DNAI4: variants seen among roughly 807,000 people sequenced by gnomAD.
DNAI4 encodes dynein axonemal intermediate chain 4.
A neutral mutation model predicts 105.8 loss-of-function variants in DNAI4; 85 were observed. That is an observed-to-expected ratio of 0.80 (90% CI 0.67 to 0.96). The LOEUF (loss-of-function observed/expected upper bound fraction) is 0.96. Ranked by LOEUF, DNAI4 falls within the 40% of genes least tolerant of loss-of-function variation. The probability of loss-of-function intolerance (pLI) is 0.00; values close to 1 mark genes in which losing one functional copy is unlikely to be tolerated. For synonymous variants in DNAI4, 352 were observed against 331.5 expected (o/e 1.06, Z -0.67); for missense variants, 1,014 against 1,005.6 (o/e 1.01, Z -0.11).
intron 1 of DNAI4, among the ~76,000 whole-genome samples, chr1:66,908,732 A>G (rs531659795): frequency 6.6e-6 from 1 of 152,326 alleles, no homozygotes; most frequent in East Asian, 1.9e-4. Context: ...CTCACTTTAA[A>G]TTATGGGTCA....
chr1:66,846,661 G>A (rs371120364), intron 8 of DNAI4, among the ~76,000 whole-genome samples: 166 of 152,244 alleles, frequency 1.1e-3, no homozygotes, highest in African/African-American at 3.8e-3. Flanking sequence ...ATTTATTCTA[G>A]GCAATGTGAA....
In DNAI4 at chr1:66,921,489, A is replaced by G. The variant is rs560151036; in HGVS notation, c.170+3173T>C. The G allele has an allele frequency of 7.9e-5, 12 of 152,354 alleles. 1 individual carries two copies. The South Asian group carries it at 1.0e-3, about 13-fold the overall frequency. 9.4% of individuals were successfully genotyped at this position (152,354 alleles called of 1,614,324 possible). A position where few individuals can be genotyped will look rare whatever the true frequency, so the allele number is the denominator to read the frequency against. On this transcript the variant is annotated intron_variant, in intron 1 of 16. Transcript: ENST00000371026. ...TGAAACTTCGTTTTAATTAGGTAAC[A>G]TGGCTACTGCAAAAAGTGAAGGTTA...
chr1:66,874,557 C>CTCTTT (rs1315006800), intron 5 of DNAI4, among the ~76,000 whole-genome samples: 7 of 152,176 alleles, frequency 4.6e-5, no homozygotes, highest in Admixed American at 1.3e-4. Flanking sequence ...AAGCTATGGG[C>CTCTTT]TCTTCCTCTA....
chr1:66,874,832 T>A lies in DNAI4; in HGVS notation c.749A>T (p.Asp250Val), dbSNP rs773639485. 12 of 1,613,660 alleles carry A rather than the reference T, an allele frequency of 7.4e-6. No individual in the cohort carries two copies. Among genetic ancestry groups the A allele is most frequent in the Non-Finnish European group, 1.0e-5 (12 of 1,179,794 alleles). ...LTETETLRFF[D>V]LPTVMVSVES... ...TACAGAGACCATGACTGTGGGCAAG[T>A]CAAAAAATCTCAGTGTTTCTGTCTC... Residue 250 changes from aspartate (D) to valine (V), a missense_variant, in exon 5 of 17, where the codon GAC becomes GTC. Asp to Val is a radical substitution (Grantham distance 152). Coordinates refer to ENST00000371026, the MANE Select transcript of DNAI4 (RefSeq NM_024763.5).
At chr1:66,837,524 T>C in intron 10 of DNAI4, 186 bp downstream of exon 10, 1 of 676,952 alleles carries the variant, frequency 1.5e-6, no homozygotes, top group Non-Finnish European at 2.4e-6. Flanking sequence ...AATGAATTAA[T>C]AAATGAATTA....
At position 66,893,353 on chromosome 1, in the gene DNAI4, T is replaced by C. The variant is rs755104976; in HGVS notation, c.406A>G (p.Thr136Ala). ...AGTTTACTTGGTTTTGCTGTACCAG[T>C]AAGTGGATCTGGATGGTAAAGAGGT... ...PRPLYHPDPLTGTAKPSKLLT... is the reference protein window; with the variant it reads ...PRPLYHPDPLAGTAKPSKLLT... The change falls in exon 3 of 17, where the codon ACT becomes GCT. Residue 136 changes from threonine (T) to alanine (A), a missense_variant. Thr to Ala is a moderately conservative substitution (Grantham distance 58). Transcript: ENST00000371026. 2 of 1,607,156 alleles carry C rather than the reference T, an allele frequency of 1.2e-6. No individual in the cohort carries two copies. The highest frequency in any genetic ancestry group is 1.7e-5 in the Admixed American group (1 of 59,078).
chr1:66,814,182 T>C lies in DNAI4; in HGVS notation c.2497-2A>G, dbSNP rs1338656422. ...AAGCAAAGTATCCATTATATCTCCC[T>C]GAAAAAAAAAAGTCACACAATTACA... On this transcript the variant is annotated splice_acceptor_variant, in intron 16 of 16. Transcript: ENST00000371026. LOFTEE classifies it high-confidence loss of function. 1 of 1,583,292 alleles carries C rather than the reference T, an allele frequency of 6.3e-7. No homozygotes were observed. The highest frequency in any genetic ancestry group is 8.5e-7 in the Non-Finnish European group (1 of 1,174,048).
At chr1:66,894,769 C>T (rs1176782066) in intron 2 of DNAI4, among the ~76,000 whole-genome samples, 1 of 152,080 alleles carries the variant, frequency 6.6e-6, no homozygotes, top group Non-Finnish European at 1.5e-5. Flanking sequence ...TATATGTGCT[C>T]AGGTCATTTG....
chr1:66,847,829 C>A, intron 7 of DNAI4, 151 bp from the exon 8 acceptor site: 2 of 628,136 alleles, frequency 3.2e-6, no homozygotes, highest in Non-Finnish European at 5.3e-6. Flanking sequence ...TCTTACGTAC[C>A]AAGCACATGA....
intron 6 of DNAI4, chr1:66,871,160 A>T: frequency 2.1e-6 from 1 of 473,080 alleles, no homozygotes; most frequent in East Asian, 3.3e-5. Flanking sequence ...AAAAACCAAG[A>T]TGAATAATTA....
chr1:66,844,052 T>C (rs1424262528), intron 8 of DNAI4, among the ~76,000 whole-genome samples: 1 of 113,114 alleles, frequency 8.8e-6, no homozygotes, highest in African/African-American at 3.5e-5. Context: ...GAACAACTCT[T>C]ATTTAAAATG....
chr1:66,827,136 A>G, intron 14 of DNAI4, 90 bp from the exon 15 acceptor site: 2 of 1,108,838 alleles, frequency 1.8e-6, no homozygotes, highest in Non-Finnish European at 2.6e-6. Flanking sequence ...TAAGATTTCT[A>G]GATTTTCACA....
intron 3 of DNAI4, among the ~76,000 whole-genome samples, 170 bp downstream of exon 3, chr1:66,893,059 G>GAAA (rs780472953): frequency 3.5e-5 from 2 of 56,498 alleles, no homozygotes; most frequent in African/African-American, 1.5e-4. Context: ...AAGAAAGAGA[G>GAAA]AGAGAGAAAG....
chr1:66,847,428 G>C, intron 8 of DNAI4, 56 bp downstream of exon 8: 2 of 1,520,058 alleles, frequency 1.3e-6, no homozygotes. Flanking sequence ...AAAGTACTGG[G>C]ATTATAAGCA....
At chr1:66,818,108 A>T (rs1284975133) in intron 16 of DNAI4, among the ~76,000 whole-genome samples, 1 of 151,980 alleles carries the variant, frequency 6.6e-6, no homozygotes, top group Non-Finnish European at 1.5e-5. Context: ...TTAATATTTT[A>T]AATATTCATT....
chr1:66,834,270 T>G (rs1557905542), intron 11 of DNAI4, 122 bp from the exon 12 acceptor site: 9 of 681,024 alleles, frequency 1.3e-5, no homozygotes, highest in Non-Finnish European at 2.0e-5. Flanking sequence ...ATCCTTTTAT[T>G]GTTCAAAAAT....
intron 7 of DNAI4, among the ~76,000 whole-genome samples, chr1:66,854,361 A>G (rs575348564): frequency 9.8e-5 from 15 of 152,306 alleles, no homozygotes; most frequent in African/African-American, 3.6e-4. Context: ...GCTGCATTCC[A>G]GCCTGAGTGA....
intron 7 of DNAI4, among the ~76,000 whole-genome samples, chr1:66,861,075 A>C (rs1477728852): frequency 6.6e-6 from 1 of 152,146 alleles, no homozygotes; most frequent in Non-Finnish European, 1.5e-5. Flanking sequence ...ATGAGATTTT[A>C]AAAAAGGAAC....
Position 66,840,515 on chromosome 1 carries a change from G to T in DNAI4, c.1448C>A (p.Thr483Asn). Residue 483 changes from threonine (T) to asparagine (N), a missense_variant, in exon 9 of 17, where the codon ACC (threonine) becomes AAC (asparagine). Coordinates refer to ENST00000371026, the MANE Select transcript of DNAI4 (RefSeq NM_024763.5). The part of the protein sequence containing the change: ...ERLWSFSCDL[T>N]KGLNVSSLAW... ...AAGGCTGCTCACATTGAGGCCTTTG[G>T]TTAAGTCACAGGAAAAAGACCAAAG... The T allele has an allele frequency of 6.2e-7, 1 of 1,614,164 alleles. No individual in the cohort carries two copies. The highest frequency in any genetic ancestry group is 1.1e-5 in the South Asian group (1 of 91,086).
Sources: gnomAD v4.1 joint callset for allele counts (sites outside exome capture counted in the v4.1 genomes callset) on GRCh38, gnomAD v4.1.1 for gene constraint, MANE v1.5 for transcripts, NCBI Gene and HGNC (gene_info 2026-07-23, HGNC 2026-07-21) for gene names.